The following ANKRD31 variants were observed in gnomAD, a reference collection of about 807,000 sequenced individuals.
ANKRD31 encodes the protein ankyrin repeat domain 31, also known as ankyrin repeat domain-containing protein 31.
A neutral mutation model predicts 186.0 loss-of-function variants in ANKRD31; 147 were observed. The observed-to-expected ratio is 0.79, with a 90% confidence interval of 0.69 to 0.91. The LOEUF (loss-of-function observed/expected upper bound fraction) is 0.91, where lower values mean the gene tolerates loss of function less well. Ranked by LOEUF, ANKRD31 falls within the 40% of genes least tolerant of loss-of-function variation. ANKRD31 has a pLI of 0.00. For synonymous variants in ANKRD31, 673 were observed against 736.4 expected, an observed-to-expected ratio of 0.91 and a Z score of 1.39; for missense variants, 1,986 against 2,148.8, an observed-to-expected ratio of 0.92 and a Z score of 1.50.
chr5:75,138,819 A>C, intron 16 of ANKRD31, 27 bp downstream of exon 16: 1 of 1,530,178 alleles, frequency 6.5e-7, no homozygotes, highest in Non-Finnish European at 8.7e-7. Context: ...CAAATTATAA[A>C]GGTAATTAAA....
At chr5:75,210,791 C>T (rs759868867) in intron 4 of ANKRD31, 37 bp downstream of exon 4, 1 of 1,407,152 alleles carries the variant, frequency 7.1e-7, no homozygotes, top group Admixed American at 2.8e-5. Context: ...GACAAAAATA[C>T]CTACAACATA....
intron 23 of ANKRD31, among the ~76,000 whole-genome samples, chr5:75,087,575 T>G (rs533199375): frequency 3.6e-4 from 55 of 152,200 alleles, no homozygotes; most frequent in Non-Finnish European, 6.2e-4. Flanking sequence ...TTTATTCCAT[T>G]GCAAGTTTTA....
intron 24 of ANKRD31, among the ~76,000 whole-genome samples, chr5:75,083,802 T>C (rs1403363919): frequency 1.3e-5 from 2 of 151,876 alleles, no homozygotes; most frequent in African/African-American, 4.8e-5. Context: ...TTATGGTAAA[T>C]CCATATAATG....
chr5:75,185,530 C>A (rs1264702079), intron 10 of ANKRD31, among the ~76,000 whole-genome samples: 1 of 151,930 alleles, frequency 6.6e-6, no homozygotes, highest in Non-Finnish European at 1.5e-5. Context: ...TGCACTCTAG[C>A]CTGGCAACAA....
At chr5:75,153,900 G>T (rs1178754001) in intron 12 of ANKRD31, among the ~76,000 whole-genome samples, 2 of 152,058 alleles carry the variant, frequency 1.3e-5, no homozygotes, top group Admixed American at 6.6e-5. Context: ...AACCAAAGGG[G>T]ATCATATCAT....
intron 1 of ANKRD31, among the ~76,000 whole-genome samples, chr5:75,232,535 T>C (rs1474160937): frequency 6.6e-6 from 1 of 151,314 alleles, no homozygotes; most frequent in Non-Finnish European, 1.5e-5. Context: ...ATTACAGCTG[T>C]GAGCGACTGC....
chr5:75,175,042 T>C (rs1379849974), intron 10 of ANKRD31, among the ~76,000 whole-genome samples: 1 of 152,166 alleles, frequency 6.6e-6, no homozygotes, highest in African/African-American at 2.4e-5. Context: ...TGGAATACTA[T>C]GCAGCCATAA....
chr5:75,128,001 T>C (rs573737726), intron 17 of ANKRD31, among the ~76,000 whole-genome samples: 2 of 152,344 alleles, frequency 1.3e-5, no homozygotes, highest in East Asian at 3.9e-4. Context: ...TCTAGTAAAT[T>C]ATTTTATCAT....
chr5:75,110,806 T>C, intron 20 of ANKRD31, among the ~76,000 whole-genome samples: 1 of 147,992 alleles, frequency 6.8e-6, no homozygotes, highest in Non-Finnish European at 1.5e-5. Flanking sequence ...AAAATACTGA[T>C]GCTACTAGCA....
At chr5:75,189,752 A>C (rs562001736) in intron 9 of ANKRD31, among the ~76,000 whole-genome samples, 2 of 152,284 alleles carry the variant, frequency 1.3e-5, no homozygotes, top group Admixed American at 1.3e-4. Flanking sequence ...ATTTCTGTAG[A>C]TGTCCATTGT....
At chr5:75,083,806 T>C (rs536069358) in intron 24 of ANKRD31, among the ~76,000 whole-genome samples, 10 of 152,120 alleles carry the variant, frequency 6.6e-5, no homozygotes, top group Non-Finnish European at 1.3e-4. Context: ...GGTAAATCCA[T>C]ATAATGGAAT....
At position 75,195,762 on chromosome 5, in the gene ANKRD31, A is replaced by G. The variant is rs1030381876; in HGVS notation, c.886T>C (p.Leu296=). The G allele has an allele frequency of 3.9e-6, 6 of 1,537,334 alleles. No individual in the cohort carries two copies. Among genetic ancestry groups the G allele is most frequent in the African/African-American group, 2.7e-5 (2 of 73,002 alleles). ...ATGGTTTCCACCTTGGCTTCTGACA[A>G]TGTGTTCAGGGCTTCCAATAACTCA... ...PAELLEALNT[L]SEAKVETICH... Residue 296 remains leucine, a synonymous_variant, in exon 7 of 26, where the codon TTG becomes CTG. Coordinates refer to ENST00000506364, the MANE Select transcript of ANKRD31 (RefSeq NM_001372053.1).
chr5:75,144,518 G>T (rs994674345), intron 14 of ANKRD31, among the ~76,000 whole-genome samples: 1 of 152,090 alleles, frequency 6.6e-6, no homozygotes, highest in Non-Finnish European at 1.5e-5. Flanking sequence ...AATAAATGGT[G>T]TTGGGAAAAC....
intron 8 of ANKRD31, 126 bp from the exon 9 acceptor site, chr5:75,192,902 G>A (rs940823177): frequency 1.1e-5 from 8 of 742,724 alleles, no homozygotes; most frequent in South Asian, 2.0e-5. Flanking sequence ...CTCAAGTGGC[G>A]TGGCAGTTTT....
rs1751471373 is a variant in ANKRD31, at chr5:75,146,768, C to T, written c.2643G>A (p.Glu881=). The change falls in exon 14 of 26, where the codon GAG becomes GAA. Residue 881 remains glutamate, a synonymous_variant. Transcript: ENST00000506364. ...HENSNLVPKD[E]RFNKWENSFL... ...AAGAATTTTCCCATTTGTTAAATCTCTCATCTTTTGGGACCAAGTTACTGT... is the reference window on the plus strand; with the variant it reads ...AAGAATTTTCCCATTTGTTAAATCTTTCATCTTTTGGGACCAAGTTACTGT... 6.5e-7 allele frequency: 1 copy of T among 1,536,196 alleles called. No homozygotes were observed.
intron 10 of ANKRD31, among the ~76,000 whole-genome samples, chr5:75,171,100 C>A (rs9654429): frequency 6.6e-6 from 1 of 151,716 alleles, no homozygotes; most frequent in African/African-American, 2.4e-5. Flanking sequence ...AGATATAGAA[C>A]AGCTGAACAA....
intron 22 of ANKRD31, among the ~76,000 whole-genome samples, chr5:75,092,194 C>G (rs936752314): frequency 6.6e-6 from 1 of 152,140 alleles, no homozygotes; most frequent in African/African-American, 2.4e-5. Flanking sequence ...CTCAAGGGCA[C>G]TATCAGAAAT....
chr5:75,173,952 G>A (rs1272549049), intron 10 of ANKRD31, among the ~76,000 whole-genome samples: 1 of 152,104 alleles, frequency 6.6e-6, no homozygotes, highest in Admixed American at 6.5e-5. Context: ...CAAAGCTGGA[G>A]GCATCATGCT....
At chr5:75,081,978 T>TAGGTAGTC (rs1745119037) in intron 24 of ANKRD31, among the ~76,000 whole-genome samples, 1 of 152,166 alleles carries the variant, frequency 6.6e-6, no homozygotes, top group South Asian at 2.1e-4. Context: ...GTAGATTAGA[T>TAGGTAGTC]AGGTAGTCAG....
Sources: gnomAD v4.1 joint callset for allele counts (sites outside exome capture counted in the v4.1 genomes callset) on GRCh38, gnomAD v4.1.1 for gene constraint, MANE v1.5 for transcripts, NCBI Gene and HGNC (gene_info 2026-07-23, HGNC 2026-07-21) for gene names.